NAT1: variants seen among roughly 807,000 people sequenced by gnomAD.
NAT1 encodes the protein N-acetyltransferase 1, also known as arylamine N-acetyltransferase 1.
For synonymous variants in NAT1, 144 were observed against 122.6 expected (o/e 1.17, Z -1.16); for missense variants, 400 against 339.2 (o/e 1.18, Z -1.41).
At chr8:18,205,053 G>C (rs928581100) in intron 2 of NAT1, among the ~76,000 whole-genome samples, 1 of 152,178 alleles carries the variant, frequency 6.6e-6, no homozygotes, top group African/African-American at 2.4e-5. Flanking sequence ...CCACTGTGTT[G>C]AGGGGGGTCG....
chr8:18,219,105 C>T (rs1281710013), intron 1 of NAT1, among the ~76,000 whole-genome samples: 1 of 152,132 alleles, frequency 6.6e-6, no homozygotes, highest in Non-Finnish European at 1.5e-5. Context: ...CCCTTCCTTG[C>T]TGATCTCATG....
At chr8:18,219,240 T>A (rs1293555221) in intron 1 of NAT1, among the ~76,000 whole-genome samples, 171 bp from the exon 2 acceptor site, 1 of 152,180 alleles carries the variant, frequency 6.6e-6, no homozygotes, top group East Asian at 1.9e-4. Flanking sequence ...ATCTCCATAG[T>A]TGTAGTTTCC....
chr8:18,203,427 A>T (rs1803562509), intron 2 of NAT1, among the ~76,000 whole-genome samples: 1 of 152,192 alleles, frequency 6.6e-6, no homozygotes, highest in Non-Finnish European at 1.5e-5. Flanking sequence ...TACTGGTAAG[A>T]TAAGTTTAGG....
In NAT1 at chr8:18,219,427, A is replaced by G; in HGVS notation, c.-69A>G. On this transcript the variant is annotated 5_prime_UTR_variant, in exon 2 of 3. Coordinates refer to ENST00000307719, the MANE Select transcript of NAT1 (RefSeq NM_000662.8). ...TATTTCTAGAATTCAAGCCAGGAAGAAGCAGCAATCTGTCTTCTGGATTAA... is the reference window on the plus strand; with the variant it reads ...TATTTCTAGAATTCAAGCCAGGAAGGAGCAGCAATCTGTCTTCTGGATTAA... 6.5e-7 allele frequency: 1 copy of G among 1,550,204 alleles called. No individual in the cohort carries two copies. The highest frequency in any genetic ancestry group is 8.7e-7 in the Non-Finnish European group (1 of 1,146,208).
chr8:18,180,391 A>C (rs772479105), intron 2 of NAT1, among the ~76,000 whole-genome samples: 1 of 152,170 alleles, frequency 6.6e-6, no homozygotes, highest in Non-Finnish European at 1.5e-5. Context: ...GCAGGTATGA[A>C]GCCTATAGTG....
chr8:18,179,498 G>A (rs28392585), intron 2 of NAT1, among the ~76,000 whole-genome samples: 40,468 of 151,902 alleles, frequency 0.27, 5,982 homozygotes, highest in African/African-American at 0.38. Context: ...CTCAGTGTCA[G>A]CTGGAAGCTT....
chr8:18,206,945 C>A (rs191212944), upstream of NAT1, among the ~76,000 whole-genome samples: 10 of 152,110 alleles, frequency 6.6e-5, no homozygotes, highest in African/African-American at 2.4e-4. Flanking sequence ...AAATCTTTGC[C>A]CATGTCTATT....
intron 2 of NAT1, among the ~76,000 whole-genome samples, chr8:18,184,192 C>T (rs2117231195): frequency 6.6e-6 from 1 of 152,322 alleles, no homozygotes; most frequent in Non-Finnish European, 1.5e-5. Flanking sequence ...ATTCATGCCT[C>T]CTCAGCTCTG....
rs1192004687 is a variant in NAT1, at chr8:18,222,370, T to G, written c.323T>G (p.Leu108Arg). Residue 108 changes from leucine (L) to arginine (R), a missense_variant, in exon 3 of 3, where the codon CTT (leucine) becomes CGT (arginine). Physicochemically the swap from Leu to Arg is moderately radical, Grantham distance 102. Transcript: ENST00000307719. ...AKKYSTGMIH[L>R]LLQVTIDGRN... ...AAATACAGCACTGGCATGATTCACC[T>G]TCTCCTGCAGGTGACCATTGATGGC... 2 of 1,614,106 alleles carry G rather than the reference T, an allele frequency of 1.2e-6. No individual in the cohort carries two copies. Among genetic ancestry groups the G allele is most frequent in the South Asian group, 2.2e-5 (2 of 91,076 alleles).
intron 1 of NAT1, among the ~76,000 whole-genome samples, chr8:18,213,310 T>C (rs1030787715): frequency 6.6e-6 from 1 of 152,122 alleles, no homozygotes; most frequent in Non-Finnish European, 1.5e-5. Flanking sequence ...CACTCTCCAA[T>C]TACCTTCAAC....
intron 2 of NAT1, among the ~76,000 whole-genome samples, chr8:18,204,236 C>T (rs1393993368): frequency 6.6e-6 from 1 of 152,078 alleles, no homozygotes; most frequent in African/African-American, 2.4e-5. Flanking sequence ...ACTTTCCACT[C>T]CTTAACTCAC....
intron 1 of NAT1, chr8:18,212,190 G>T (rs1023629432): frequency 7.2e-5 from 11 of 152,156 alleles, no homozygotes; most frequent in Non-Finnish European, 1.5e-5. Context: ...CTCTCCAGGG[G>T]TACCAATCCA....
intron 2 of NAT1, among the ~76,000 whole-genome samples, chr8:18,190,041 T>A (rs983781962): frequency 3.3e-5 from 5 of 152,156 alleles, no homozygotes; most frequent in Non-Finnish European, 7.4e-5. Flanking sequence ...CTGTCCACCT[T>A]GGCCTCCCAA....
At chr8:18,179,678 T>G (rs1022924796) in intron 2 of NAT1, among the ~76,000 whole-genome samples, 6 of 152,112 alleles carry the variant, frequency 3.9e-5, no homozygotes, top group Non-Finnish European at 8.8e-5. Context: ...TTCAGAGGCG[T>G]GGGAGACAGA....
chr8:18,195,732 G>C (rs1314360065), intron 2 of NAT1, among the ~76,000 whole-genome samples: 1 of 152,110 alleles, frequency 6.6e-6, no homozygotes, highest in Admixed American at 6.6e-5. Flanking sequence ...CTGTCCTCCT[G>C]AGCTTTTTTC....
rs1318508898 is a variant in NAT1 at position 18,222,111 on chromosome 8, G to A, written c.64G>A (p.Glu22Lys). 3.7e-6 allele frequency: 6 copies of A among 1,613,978 alleles called. No homozygotes were observed. Among genetic ancestry groups the A allele is most frequent in the Non-Finnish European group, 4.2e-6 (5 of 1,179,984 alleles). Residue 22 changes from glutamate to lysine, a missense_variant, in exon 3 of 3, where the codon GAA (glutamate) becomes AAA (lysine). Coordinates refer to ENST00000307719, the MANE Select transcript of NAT1 (RefSeq NM_000662.8). ...GAAGTCTAGGAACAAATTGGACTTG[G>A]AAACATTAACTGACATTCTTCAACA... ...YKKSRNKLDL[E>K]TLTDILQHQI...
intron 2 of NAT1, among the ~76,000 whole-genome samples, chr8:18,187,235 T>A (rs569350262): frequency 1.3e-5 from 2 of 152,268 alleles, no homozygotes; most frequent in Admixed American, 1.3e-4. Flanking sequence ...AAGGAAACAC[T>A]TATACACTGC....
chr8:18,190,810 T>C (rs1172808835), intron 2 of NAT1, among the ~76,000 whole-genome samples: 1 of 152,162 alleles, frequency 6.6e-6, no homozygotes, highest in Non-Finnish European at 1.5e-5. Flanking sequence ...CTCATGCCTG[T>C]AATCCCAGCG....
intron 2 of NAT1, among the ~76,000 whole-genome samples, chr8:18,200,132 G>T (rs1487562919): frequency 6.6e-6 from 1 of 152,118 alleles, no homozygotes; most frequent in African/African-American, 2.4e-5. Flanking sequence ...AAACAGCCTG[G>T]TGATTGCTCA....
Sources: gnomAD v4.1 joint callset for allele counts (sites outside exome capture counted in the v4.1 genomes callset) on GRCh38, gnomAD v4.1.1 for gene constraint, MANE v1.5 for transcripts, NCBI Gene and HGNC (gene_info 2026-07-23, HGNC 2026-07-21) for gene names.